The following SAP130 variants were observed in gnomAD, a reference collection of about 807,000 sequenced individuals.
SAP130 encodes the protein Sin3A associated protein 130, also known as histone deacetylase complex subunit SAP130.
Under a neutral mutation model 103.2 loss-of-function variants are expected in SAP130, and 16 were observed. The ratio of observed to expected loss-of-function variants is 0.16; its 90% CI spans 0.10 to 0.24. SAP130 has a LOEUF of 0.24. Among genes scored for constraint, SAP130 ranks in the 10% least tolerant of loss-of-function variants. The pLI, the probability that SAP130 is intolerant of heterozygous loss-of-function variation, is 1.00. For synonymous variants in SAP130, 477 were observed against 497.0 expected, an observed-to-expected ratio of 0.96 and a Z score of 0.53; for missense variants, 990 against 1,359.7, an observed-to-expected ratio of 0.73 and a Z score of 4.28.
chr2:127,950,340 G>C lies in SAP130; in HGVS notation c.2491C>G (p.Pro831Ala). Residue 831 changes from proline to alanine, a missense_variant, in exon 17 of 21, where the codon CCT becomes GCT. Transcript: ENST00000643581. ...GCACCAGGTGGTAGGTCACTTGTAG[G>C]CATGGACAAGTTGTTTGCCAGCAAT... ...LALLANNLSMPTSDLPPGASP... is the reference protein window; with the variant it reads ...LALLANNLSMATSDLPPGASP... 6.2e-7 allele frequency: 1 copy of C among 1,614,148 alleles called. No homozygotes were observed. Among genetic ancestry groups the C allele is most frequent in the Non-Finnish European group, 8.5e-7 (1 of 1,179,992 alleles).
At chr2:127,982,304 T>C (rs557853900) in intron 14 of SAP130, among the ~76,000 whole-genome samples, 5 of 151,914 alleles carry the variant, frequency 3.3e-5, no homozygotes, top group Admixed American at 6.6e-5. Context: ...GCTGAGGCCG[T>C]AGGAGAGAGG....
At position 127,971,308 on chromosome 2, in the gene SAP130, C is replaced by T. The variant is rs541603287; in HGVS notation, c.2063+6677G>A. ...TTTCTTTTTTTTTTTTTTTTTGAGA[C>T]GGAGTCTCGCTCTGTCACCCAGGCT... is the stretch of plus-strand genomic sequence containing the variant. On this transcript the variant is annotated intron_variant, in intron 15 of 20. Coordinates refer to ENST00000643581, the MANE Select transcript of SAP130 (RefSeq NM_001330301.2). Among the ~76,000 whole-genome samples the T allele has an allele frequency of 4.4e-3, 616 of 138,744 alleles. 6 individuals carry two copies. The highest frequency in any genetic ancestry group is 0.015 in the African/African-American group (573 of 37,030). The allele number at this position is 138,744 out of a possible 152,430, so 91.0% of individuals were successfully genotyped here. A position where few individuals can be genotyped will look rare whatever the true frequency, so the allele number is the denominator to read the frequency against.
intron 15 of SAP130, among the ~76,000 whole-genome samples, chr2:127,970,686 C>T (rs891068284): frequency 1.3e-5 from 2 of 151,582 alleles, no homozygotes; most frequent in African/African-American, 2.4e-5. Context: ...CAGAGCAAGA[C>T]ACTGTCTCCA....
chr2:128,027,749 G>A (rs1248259453), intron 1 of SAP130, among the ~76,000 whole-genome samples, 191 bp downstream of exon 1: 3 of 151,664 alleles, frequency 2.0e-5, no homozygotes, highest in Non-Finnish European at 2.9e-5. Context: ...CTCGCCACAG[G>A]ACACCCAGCC....
chr2:128,027,869 T>G (rs1437630404), intron 1 of SAP130, 71 bp downstream of exon 1: 5 of 930,838 alleles, frequency 5.4e-6, no homozygotes, highest in Non-Finnish European at 6.4e-6. Context: ...GGACGGACGC[T>G]GCAGCCCGGC....
chr2:128,023,330 C>T (rs1347196968), intron 2 of SAP130, among the ~76,000 whole-genome samples: 2 of 151,980 alleles, frequency 1.3e-5, no homozygotes, highest in African/African-American at 4.8e-5. Context: ...GCTGTAGAAA[C>T]GGGGATTTGC....
intron 12 of SAP130, among the ~76,000 whole-genome samples, chr2:127,991,788 T>C (rs1379432464): frequency 6.6e-6 from 1 of 152,250 alleles, no homozygotes; most frequent in Non-Finnish European, 1.5e-5. Flanking sequence ...AAAAGTAGTT[T>C]TGCATTGCTA....
At chr2:128,012,219 T>G (rs938423399) in intron 6 of SAP130, among the ~76,000 whole-genome samples, 4 of 152,172 alleles carry the variant, frequency 2.6e-5, no homozygotes, top group Admixed American at 2.0e-4. Flanking sequence ...CCTGTAATCC[T>G]AGCACTTCAG....
intron 4 of SAP130, 52 bp from the exon 5 acceptor site, chr2:128,014,966 G>T: frequency 1.3e-6 from 2 of 1,486,222 alleles, no homozygotes; most frequent in Non-Finnish European, 1.9e-6. Context: ...CTTAGCCATT[G>T]CCTCTAGGAA....
chr2:127,999,870 T>G, intron 9 of SAP130, 25 bp from the exon 10 acceptor site: 1 of 1,495,652 alleles, frequency 6.7e-7, no homozygotes. Context: ...AAAAGGAAAT[T>G]CTTTAACAAG....
At chr2:127,967,400 G>A (rs532498752) in intron 15 of SAP130, among the ~76,000 whole-genome samples, 2 of 152,044 alleles carry the variant, frequency 1.3e-5, no homozygotes, top group African/African-American at 2.4e-5. Flanking sequence ...AATAGCTGGA[G>A]ATTTCTTTTC....
Position 127,996,010 on chromosome 2 carries a change from C to T in SAP130, c.1355+340G>A, listed in dbSNP as rs1019424447. On this transcript the variant is annotated intron_variant, in intron 11 of 20. Transcript: ENST00000643581. The surrounding 1 kb of genome is among the most constrained non-coding windows in gnomAD (Gnocchi z 4.3). ...GGAATCCTTTCAGATAGCTGTACCG[C>T]GGTGACATCAAAGAATGTCTTTACT... Among the ~76,000 whole-genome samples, 11 of 152,100 alleles carry T rather than the reference C, an allele frequency of 7.2e-5. No homozygotes were observed. Among genetic ancestry groups the T allele is most frequent in the Admixed American group, 2.6e-4 (4 of 15,258 alleles).
intron 9 of SAP130, 92 bp from the exon 10 acceptor site, chr2:127,999,937 T>A: frequency 7.0e-7 from 1 of 1,437,582 alleles, no homozygotes; most frequent in Non-Finnish European, 9.6e-7. Context: ...CTGGAAAAAG[T>A]TAAGAGAATT....
Position 128,016,438 on chromosome 2 carries a change from C to T in SAP130, c.458G>A (p.Ser153Asn). The part of the protein sequence containing the change: ...PGQVTVTMES[S>N]IPQASAIPVA... ...AGGAATGGCTGAAGCTTGAGGGATG[C>T]TACTCTCCATGGTAACGGTAACCTG... Residue 153 changes from serine to asparagine, a missense_variant, in exon 4 of 21, where the codon AGC (serine) becomes AAC (asparagine). Ser to Asn is a conservative substitution (Grantham distance 46, BLOSUM62 1). This residue lies in a region of SAP130 where 336 missense variants were observed against 520.1 expected (regional missense o/e 0.65). Transcript: ENST00000643581. 1 of 1,613,994 alleles carries T rather than the reference C, an allele frequency of 6.2e-7. No homozygotes were observed. The highest frequency in any genetic ancestry group is 8.5e-7 in the Non-Finnish European group (1 of 1,179,960).
intron 6 of SAP130, among the ~76,000 whole-genome samples, chr2:128,012,743 C>T (rs1217926297): frequency 1.3e-5 from 2 of 151,884 alleles, no homozygotes; most frequent in Non-Finnish European, 2.9e-5. Flanking sequence ...CTAGCCTTTA[C>T]TAACTGCTGT....
chr2:127,997,823 A>G (rs1683276490), intron 10 of SAP130, among the ~76,000 whole-genome samples: 1 of 152,212 alleles, frequency 6.6e-6, no homozygotes, highest in African/African-American at 2.4e-5. Context: ...TAATTTAAAA[A>G]GCCATAAAGG....
chr2:128,014,392 TATCTCA>T (rs1559099563), intron 5 of SAP130, among the ~76,000 whole-genome samples: 12 of 148,070 alleles, frequency 8.1e-5, no homozygotes, highest in Non-Finnish European at 1.6e-4. Context: ...GCCATCCTCC[TATCTCA>T]GCCTCCTGAG....
At position 128,017,918 on chromosome 2, in the gene SAP130, A is replaced by G; in HGVS notation, c.113-3T>C. The G allele has an allele frequency of 1.2e-6, 2 of 1,611,964 alleles. No homozygotes were observed. Among genetic ancestry groups the G allele is most frequent in the Non-Finnish European group, 1.7e-6 (2 of 1,178,168 alleles). ...ATCTCGACCAGATTCATCATTGACTAGTAAAGACATTAAGAGTGAGACAGT... is the reference window on the plus strand; with the variant it reads ...ATCTCGACCAGATTCATCATTGACTGGTAAAGACATTAAGAGTGAGACAGT... On this transcript the variant is annotated splice_polypyrimidine_tract_variant and splice_region_variant and intron_variant, in intron 2 of 20. Transcript: ENST00000643581.
chr2:127,968,955 C>G (rs576165373), intron 15 of SAP130, among the ~76,000 whole-genome samples: 1 of 152,338 alleles, frequency 6.6e-6, no homozygotes, highest in South Asian at 2.1e-4. Context: ...GACATGAGGA[C>G]TCATGACAGA....
Sources: gnomAD v4.1 joint callset for allele counts (sites outside exome capture counted in the v4.1 genomes callset) on GRCh38, gnomAD v4.1.1 for gene constraint, gnomAD v4.1.1 regional missense constraint, Gnocchi (gnomAD v3.1) non-coding constraint, MANE v1.5 for transcripts, NCBI Gene and HGNC (gene_info 2026-07-23, HGNC 2026-07-21) for gene names.